MYRIP: variants seen among roughly 807,000 people sequenced by gnomAD.
MYRIP encodes the protein myosin VIIA and Rab interacting protein, also known as rab effector MyRIP.
In MYRIP, 49 loss-of-function variants were observed where a neutral mutation model predicts 98.0. The ratio of observed to expected loss-of-function variants is 0.50; its 90% confidence interval spans 0.40 to 0.63. MYRIP has a LOEUF of 0.63. Among genes scored for constraint, MYRIP ranks in the 30% least tolerant of loss-of-function variants. The pLI is 0.00. For synonymous variants in MYRIP, 404 were observed against 409.5 expected, an observed-to-expected ratio of 0.99 and a Z score of 0.16; for missense variants, 1,004 against 1,058.2, an observed-to-expected ratio of 0.95 and a Z score of 0.71.
At chr3:40,049,633 A>C (rs1016948188) in intron 3 of MYRIP, among the ~76,000 whole-genome samples, 3 of 143,602 alleles carry the variant, frequency 2.1e-5, no homozygotes, top group African/African-American at 7.6e-5. Context: ...CTAAGTGTTC[A>C]AAAAAAAAAA....
At chr3:39,949,926 A>T (rs1357124971) in intron 2 of MYRIP, among the ~76,000 whole-genome samples, 1 of 152,160 alleles carries the variant, frequency 6.6e-6, no homozygotes, top group Non-Finnish European at 1.5e-5. Flanking sequence ...AAAGATGTTG[A>T]AGAGGTCTGA....
At position 40,166,847 on chromosome 3, in the gene MYRIP, A is replaced by T; in HGVS notation, c.552A>T (p.Gly184=). The part of the protein sequence containing the change: ...SDSTFYRQSE[G]HSVMDTLAVA... ...CTCTTTGTTCTGTTTCCTGTCTAGG[A>T]CATAGTGTGATGGACACCTTGGCTG... The change falls in exon 6 of 17, where the codon GGA becomes GGT. Residue 184 remains glycine (G), a splice_region_variant and synonymous_variant. Transcript: ENST00000302541. 6.2e-7 allele frequency: 1 copy of T among 1,602,408 alleles called. No homozygotes were observed. The highest frequency in any genetic ancestry group is 1.1e-5 in the South Asian group (1 of 90,838).
At chr3:40,007,880 A>G (rs1292391558) in intron 2 of MYRIP, among the ~76,000 whole-genome samples, 2 of 152,222 alleles carry the variant, frequency 1.3e-5, no homozygotes, top group African/African-American at 2.4e-5. Flanking sequence ...GCTCATCCAC[A>G]TTATGCAGGG....
At chr3:40,223,653 G>A (rs554305166) in intron 11 of MYRIP, among the ~76,000 whole-genome samples, 168 of 152,238 alleles carry the variant, frequency 1.1e-3, no homozygotes, top group Non-Finnish European at 1.1e-3. Flanking sequence ...AAAGGAGACA[G>A]AGAGATGTTG....
intron 2 of MYRIP, among the ~76,000 whole-genome samples, chr3:39,997,095 T>G (rs1368382262): frequency 2.6e-5 from 4 of 152,080 alleles, no homozygotes; most frequent in Admixed American, 2.6e-4. Flanking sequence ...AGATCTAAAA[T>G]GGACACCCTA....
intron 13 of MYRIP, among the ~76,000 whole-genome samples, chr3:40,246,211 A>G (rs574215590): frequency 6.6e-6 from 1 of 152,274 alleles, no homozygotes; most frequent in East Asian, 1.9e-4. Context: ...GCACCCAGAA[A>G]AAAAGAGACA....
At chr3:40,093,691 C>G (rs1173252963) in intron 3 of MYRIP, among the ~76,000 whole-genome samples, 1 of 152,194 alleles carries the variant, frequency 6.6e-6, no homozygotes, top group Admixed American at 6.5e-5. Flanking sequence ...CAACATTTTT[C>G]AAACAGAAGT....
intron 1 of MYRIP, among the ~76,000 whole-genome samples, chr3:39,873,203 C>A (rs541919412): frequency 5.9e-5 from 9 of 151,780 alleles, no homozygotes; most frequent in South Asian, 2.1e-4. Context: ...TTTTCTTGTA[C>A]ATTTGTTTGT....
intron 1 of MYRIP, among the ~76,000 whole-genome samples, chr3:39,869,972 G>C (rs1942736387): frequency 6.6e-6 from 1 of 152,164 alleles, no homozygotes; most frequent in Non-Finnish European, 1.5e-5. Flanking sequence ...AAGTTTTTTA[G>C]TGTATAATGC....
chr3:39,870,526 C>CT lies in MYRIP; in HGVS notation c.-30-30252dup, dbSNP rs201793786. Among the ~76,000 whole-genome samples the CT allele has an allele frequency of 9.3e-3, 1,404 of 151,042 alleles. 22 individuals are homozygous for CT. The highest frequency in any genetic ancestry group is 0.032 in the African/African-American group (1,322 of 41,190). On this transcript the variant is annotated intron_variant, in intron 1 of 16. Transcript: ENST00000302541. ...CCTTAAGGTTAATAAAGTCTTTTTT[C>CT]TTTTTTTTTGGGTTTTACTTTTCTG...
At chr3:40,154,825 A>T (rs1950188498) in intron 4 of MYRIP, among the ~76,000 whole-genome samples, 2 of 152,170 alleles carry the variant, frequency 1.3e-5, no homozygotes, top group South Asian at 4.1e-4. Context: ...GTTATCCTAA[A>T]AGAAGCACTA....
At chr3:40,156,332 G>C (rs1433584443) in intron 4 of MYRIP, among the ~76,000 whole-genome samples, 1 of 152,108 alleles carries the variant, frequency 6.6e-6, no homozygotes, top group African/African-American at 2.4e-5. Context: ...TGAGGGCTCT[G>C]TTCTGTTCCA....
At chr3:40,225,729 C>A (rs1190313797) in intron 11 of MYRIP, among the ~76,000 whole-genome samples, 1 of 152,100 alleles carries the variant, frequency 6.6e-6, no homozygotes, top group Non-Finnish European at 1.5e-5. Flanking sequence ...ACAGGATGGA[C>A]CCACATTAAC....
At chr3:40,162,557 G>A (rs562133993) in intron 4 of MYRIP, among the ~76,000 whole-genome samples, 173 bp from the exon 5 acceptor site, 32 of 152,294 alleles carry the variant, frequency 2.1e-4, no homozygotes, top group African/African-American at 7.2e-4. Context: ...AAAAGCAATG[G>A]GTCAAAACTG....
chr3:40,037,125 A>G (rs1004433280), intron 2 of MYRIP, among the ~76,000 whole-genome samples: 1 of 152,130 alleles, frequency 6.6e-6, no homozygotes, highest in Non-Finnish European at 1.5e-5. Flanking sequence ...AGTAATTTCA[A>G]TATAAATGTA....
At chr3:40,212,195 C>T (rs9681861) in intron 11 of MYRIP, among the ~76,000 whole-genome samples, 239 of 21,394 alleles carry the variant, frequency 0.011, 65 homozygotes, top group Middle Eastern at 0.025. Flanking sequence ...TGTGTATATA[C>T]ATATATATAC....
chr3:40,032,038 A>G (rs1034555708), intron 2 of MYRIP, among the ~76,000 whole-genome samples: 1 of 151,914 alleles, frequency 6.6e-6, no homozygotes, highest in African/African-American at 2.4e-5. Flanking sequence ...TAGCTTTTGA[A>G]TGTGTTTGCT....
intron 3 of MYRIP, among the ~76,000 whole-genome samples, chr3:40,051,428 C>T (rs1262062298): frequency 6.6e-6 from 1 of 152,044 alleles, no homozygotes; most frequent in African/African-American, 2.4e-5. Context: ...AATGCTGTTG[C>T]ACAGTTAAAA....
intron 16 of MYRIP, among the ~76,000 whole-genome samples, chr3:40,257,291 C>T (rs927960084): frequency 6.6e-6 from 1 of 152,180 alleles, no homozygotes; most frequent in Non-Finnish European, 1.5e-5. Context: ...CACTGCACTC[C>T]AGCCTGAGCA....
Sources: allele counts gnomAD v4.1 joint callset (sites outside exome capture counted in the v4.1 genomes callset), GRCh38; gene constraint gnomAD v4.1.1; transcripts MANE v1.5; gene names NCBI Gene and HGNC (gene_info 2026-07-23, HGNC 2026-07-21).